The following LIMD1 variants were observed in gnomAD, a reference collection of about 807,000 sequenced individuals.
LIMD1 encodes the protein LIM domain-containing protein 1.
In LIMD1, 23 loss-of-function variants were observed where a neutral mutation model predicts 58.4. That is an observed-to-expected ratio of 0.39 (90% confidence interval 0.28 to 0.56). The LOEUF is 0.56. LIMD1 is among the 20% of genes least tolerant of loss of function. The pLI is 0.57. For synonymous variants in LIMD1, 334 were observed against 345.5 expected (o/e 0.97, Z 0.37); for missense variants, 838 against 855.5 (o/e 0.98, Z 0.25).
intron 2 of LIMD1, among the ~76,000 whole-genome samples, chr3:45,657,931 A>G (rs899543645): frequency 1.2e-4 from 19 of 152,314 alleles, no homozygotes; most frequent in African/African-American, 4.3e-4. Flanking sequence ...AACCCTTTCT[A>G]CGCTCACTGA....
At chr3:45,617,345 C>G (rs1575347405) in intron 1 of LIMD1, among the ~76,000 whole-genome samples, 1 of 152,164 alleles carries the variant, frequency 6.6e-6, no homozygotes, top group South Asian at 2.1e-4. Flanking sequence ...CTGCACCAGT[C>G]CAAGATAGTC....
chr3:45,641,120 C>T (rs906851964), intron 2 of LIMD1, among the ~76,000 whole-genome samples: 13 of 152,148 alleles, frequency 8.5e-5, no homozygotes, highest in Admixed American at 3.9e-4. Flanking sequence ...ACCATGGAGA[C>T]GGCACAGCTG....
intron 2 of LIMD1, among the ~76,000 whole-genome samples, chr3:45,643,535 G>A (rs553106852): frequency 6.6e-6 from 1 of 151,934 alleles, no homozygotes; most frequent in South Asian, 2.1e-4. Context: ...AAGGTCCTGT[G>A]TGCTCACTCC....
rs943073314 is a variant in LIMD1 at position 45,636,488 on chromosome 3, A to G, written c.1510+237A>G. On this transcript the variant is annotated intron_variant, in intron 2 of 7. Coordinates refer to ENST00000273317, the MANE Select transcript of LIMD1 (RefSeq NM_014240.3). ...GCCTGTGATTCTGGTGATAAGTTGA[A>G]TGAGTTCAGAGTGATCCCTAATCAC... 2.6e-5 allele frequency among the ~76,000 whole-genome samples: 4 copies of G among 152,308 alleles called. No individual in the cohort carries two copies. In the East Asian group the frequency reaches 7.7e-4, roughly 29 times the overall value.
At chr3:45,598,307 C>T (rs1275673714) in intron 1 of LIMD1, among the ~76,000 whole-genome samples, 2 of 152,206 alleles carry the variant, frequency 1.3e-5, no homozygotes, top group Non-Finnish European at 2.9e-5. Context: ...ACTATCTTTT[C>T]TCCTCAGCAC....
chr3:45,676,797 A>C (rs528303606), intron 7 of LIMD1, 125 bp from the exon 8 acceptor site: 3 of 905,686 alleles, frequency 3.3e-6, no homozygotes, highest in Admixed American at 1.8e-5. Flanking sequence ...GTGTTTCTGC[A>C]CTGGCATTTC....
chr3:45,598,745 G>C (rs1307153974), intron 1 of LIMD1, among the ~76,000 whole-genome samples: 2 of 152,202 alleles, frequency 1.3e-5, no homozygotes, highest in Non-Finnish European at 2.9e-5. Flanking sequence ...ATCAGGGAAT[G>C]TCCCACCTAG....
chr3:45,673,738 ACCTC>A lies in LIMD1; in HGVS notation c.1824+234_1824+237del. The A allele has an allele frequency of 5.4e-6, 3 of 558,846 alleles. No homozygotes were observed. The South Asian group carries it at 6.4e-5, about 12-fold the overall frequency. 34.6% of individuals were successfully genotyped at this position (558,846 alleles called of 1,614,324 possible). A position where few individuals can be genotyped will look rare whatever the true frequency, so the allele number is the denominator to read the frequency against. ...AGAACAGCCTGGGCAACATAGCAAG[ACCTC>A]ATCTCTACAAAAAATTGTTAAAAAT... is the stretch of plus-strand genomic sequence containing the variant. On this transcript the variant is annotated intron_variant, in intron 6 of 7. Transcript: ENST00000273317.
chr3:45,597,071 A>G (rs938225643), intron 1 of LIMD1, among the ~76,000 whole-genome samples: 1 of 151,584 alleles, frequency 6.6e-6, no homozygotes, highest in African/African-American at 2.4e-5. Context: ...TGCGCTAGCC[A>G]GGATGTTCTC....
At chr3:45,607,688 T>TC (rs397720520) in intron 1 of LIMD1, among the ~76,000 whole-genome samples, 7 of 150,810 alleles carry the variant, frequency 4.6e-5, no homozygotes, top group Admixed American at 4.0e-4. Flanking sequence ...GCACCCCTCT[T>TC]AGCAGGCAGG....
At chr3:45,607,201 G>A (rs935572911) in intron 1 of LIMD1, among the ~76,000 whole-genome samples, 2 of 152,152 alleles carry the variant, frequency 1.3e-5, no homozygotes, top group South Asian at 2.1e-4. Context: ...GCGTGGCAAC[G>A]CAGGGTAGCA....
intron 1 of LIMD1, among the ~76,000 whole-genome samples, chr3:45,598,430 C>T (rs1701378376): frequency 6.6e-6 from 1 of 152,194 alleles, no homozygotes; most frequent in South Asian, 2.1e-4. Context: ...GCAGTTTTAT[C>T]TTGAGATGCA....
In LIMD1 at chr3:45,658,535, C is replaced by CTTTTT. The variant is rs10572210; in HGVS notation, c.1511-7087_1511-7083dup. Among the ~76,000 whole-genome samples, 302 of 44,762 alleles carry CTTTTT rather than the reference C, an allele frequency of 6.7e-3. 37 individuals are homozygous for CTTTTT. Among genetic ancestry groups the CTTTTT allele is most frequent in the East Asian group, 0.017 (13 of 764 alleles). 29.4% of individuals were successfully genotyped at this position (44,762 alleles called of 152,430 possible). ...AACCATCCCCTCCACCATGCAGATT[C>CTTTTT]TTTTTTTTTTTTTTTTTTTTTTTTT... On this transcript the variant is annotated intron_variant, in intron 2 of 7. Coordinates refer to ENST00000273317, the MANE Select transcript of LIMD1 (RefSeq NM_014240.3).
At chr3:45,624,780 C>T (rs968877348) in intron 1 of LIMD1, among the ~76,000 whole-genome samples, 1 of 152,002 alleles carries the variant, frequency 6.6e-6, no homozygotes, top group Non-Finnish European at 1.5e-5. Context: ...CTGACTTGGT[C>T]GTCACCCTGG....
At chr3:45,651,412 C>T (rs949214098) in intron 2 of LIMD1, among the ~76,000 whole-genome samples, 2 of 152,258 alleles carry the variant, frequency 1.3e-5, no homozygotes, top group Admixed American at 6.5e-5. Context: ...CTTGCCTGTG[C>T]GTGTGTCCTG....
rs1312756832 is a variant in LIMD1, at chr3:45,674,420, C to A, written c.1893+9C>A. 2 of 1,608,182 alleles carry A rather than the reference C, an allele frequency of 1.2e-6. No individual in the cohort carries two copies. Among genetic ancestry groups the A allele is most frequent in the Non-Finnish European group, 1.7e-6 (2 of 1,174,984 alleles). Reference sequence around the variant, plus strand: ...AGTGTTACCACTGCGAGGTAGACCCCTCCCCACCCAGCCCCCAAAGCCCAT... The same window carrying A: ...AGTGTTACCACTGCGAGGTAGACCCATCCCCACCCAGCCCCCAAAGCCCAT... On this transcript the variant is annotated intron_variant, in intron 7 of 7. Transcript: ENST00000273317.
chr3:45,658,534 T>G (rs142490082), intron 2 of LIMD1, among the ~76,000 whole-genome samples: 4,764 of 117,838 alleles, frequency 0.04, 120 homozygotes, highest in African/African-American at 0.073. Context: ...CCATGCAGAT[T>G]CTTTTTTTTT....
chr3:45,665,440 C>T (rs991772633), intron 2 of LIMD1, among the ~76,000 whole-genome samples: 7 of 152,160 alleles, frequency 4.6e-5, no homozygotes, highest in Non-Finnish European at 1.0e-4. Flanking sequence ...TGCCAAATAG[C>T]ACCTGCCAGG....
intron 1 of LIMD1, among the ~76,000 whole-genome samples, chr3:45,615,712 C>T (rs1029761600): frequency 6.6e-6 from 1 of 151,766 alleles, no homozygotes; most frequent in Non-Finnish European, 1.5e-5. Flanking sequence ...TCCATAGTCA[C>T]GCCTGTGTAC....
Sources: gnomAD v4.1 joint callset for allele counts (sites outside exome capture counted in the v4.1 genomes callset) on GRCh38, gnomAD v4.1.1 for gene constraint, MANE v1.5 for transcripts, NCBI Gene and HGNC (gene_info 2026-07-23, HGNC 2026-07-21) for gene names.